FAM78B: variants seen among roughly 807,000 people sequenced by gnomAD.
FAM78B encodes protein FAM78B.
Under a neutral mutation model 20.0 loss-of-function variants are expected in FAM78B, and 10 were observed. The observed-to-expected ratio is 0.50, with a 90% CI of 0.31 to 0.85. The LOEUF is 0.85. Among genes scored for constraint, FAM78B ranks in the 40% least tolerant of loss-of-function variants. FAM78B has a pLI of 0.05. For missense variants in FAM78B, 283 were observed against 345.0 expected, an observed-to-expected ratio of 0.82 and a Z score of 1.42; for synonymous variants, 135 against 132.8, an observed-to-expected ratio of 1.02 and a Z score of -0.12.
intron 1 of FAM78B, among the ~76,000 whole-genome samples, chr1:166,141,693 C>G (rs1054973742): frequency 1.3e-5 from 2 of 152,210 alleles, no homozygotes; most frequent in Non-Finnish European, 2.9e-5. Flanking sequence ...TATGTGAGGC[C>G]TGTCAAAGGC....
intron 1 of FAM78B, among the ~76,000 whole-genome samples, chr1:166,077,116 A>T (rs1284281572): frequency 6.6e-6 from 1 of 152,208 alleles, no homozygotes; most frequent in African/African-American, 2.4e-5. Flanking sequence ...TCAAGACAGC[A>T]GTAAAGATAT....
chr1:166,139,756 G>A (rs754851023), intron 1 of FAM78B, among the ~76,000 whole-genome samples: 52 of 152,178 alleles, frequency 3.4e-4, no homozygotes, highest in Non-Finnish European at 5.6e-4. Context: ...TTCTTCCTGT[G>A]GACACGATCA....
Position 166,077,695 on chromosome 1 carries a change from T to TAATAAATAC in FAM78B, c.264-6933_264-6932insGTATTTATT, listed in dbSNP as rs1652337413. On this transcript the variant is annotated intron_variant, in intron 1 of 1. Coordinates refer to ENST00000354422, the MANE Select transcript of FAM78B (RefSeq NM_001017961.5). ...TAATTATATATTTATATATAAATTATATATAATAAATACATATAATTACAT... is the reference window on the plus strand; with the variant it reads ...TAATTATATATTTATATATAAATTATAATAAATACATATAATAAATACATATAATTACAT... Among the ~76,000 whole-genome samples the TAATAAATAC allele has an allele frequency of 1.8e-4, 23 of 126,550 alleles. No individual in the cohort carries two copies. The East Asian group carries it at 4.6e-3, about 25-fold the overall frequency. 83.0% of individuals were successfully genotyped at this position (126,550 alleles called of 152,430 possible). A position where few individuals can be genotyped will look rare whatever the true frequency, so the allele number is the denominator to read the frequency against.
intron 1 of FAM78B, among the ~76,000 whole-genome samples, chr1:166,141,097 C>A (rs1655259387): frequency 6.6e-6 from 1 of 152,214 alleles, no homozygotes; most frequent in South Asian, 2.1e-4. Context: ...AAAGGCCAGG[C>A]CAGTGGGCAG....
intron 1 of FAM78B, among the ~76,000 whole-genome samples, chr1:166,127,418 T>C (rs377625938): frequency 2.6e-3 from 396 of 152,290 alleles, no homozygotes; most frequent in Non-Finnish European, 4.5e-3. Flanking sequence ...GAAGACCACC[T>C]CCCTTTTTGT....
intron 1 of FAM78B, among the ~76,000 whole-genome samples, chr1:166,139,701 G>A (rs1216784745): frequency 6.6e-6 from 1 of 152,194 alleles, no homozygotes; most frequent in Admixed American, 6.5e-5. Context: ...TGGCAGAGGA[G>A]GCTGCAGGGC....
Position 166,138,397 on chromosome 1 carries a change from C to T in FAM78B, c.263+27589G>A, listed in dbSNP as rs375211789. Among the ~76,000 whole-genome samples the T allele has an allele frequency of 1.7e-4, 26 of 152,208 alleles. No homozygotes were observed. In the East Asian group the frequency reaches 2.3e-3, roughly 14 times the overall value. On this transcript the variant is annotated intron_variant, in intron 1 of 1. Coordinates refer to ENST00000354422, the MANE Select transcript of FAM78B (RefSeq NM_001017961.5). Reference sequence around the variant, plus strand: ...CTCAAGAAAAAGCAACCCCTCCACCCAGACCCCCACCACAATGCATGTTTC... The same window carrying T: ...CTCAAGAAAAAGCAACCCCTCCACCTAGACCCCCACCACAATGCATGTTTC...
chr1:166,157,020 G>A (rs1212681650), intron 1 of FAM78B, among the ~76,000 whole-genome samples: 6 of 85,516 alleles, frequency 7.0e-5, no homozygotes, highest in Admixed American at 2.6e-4. Context: ...GTGACATGAC[G>A]TCAAGGGGGC....
At chr1:166,125,511 A>T (rs1193237141) in intron 1 of FAM78B, among the ~76,000 whole-genome samples, 1 of 152,228 alleles carries the variant, frequency 6.6e-6, no homozygotes, top group Non-Finnish European at 1.5e-5. Flanking sequence ...TCAAAGTCAG[A>T]TATGATGAGA....
intron 1 of FAM78B, among the ~76,000 whole-genome samples, chr1:166,087,971 G>A (rs1652900742): frequency 1.3e-5 from 2 of 152,248 alleles, no homozygotes; most frequent in South Asian, 4.2e-4. Context: ...GGATGGCAGA[G>A]GGTACTTGTG....
chr1:166,159,976 ATCTGATGC>A (rs2101805764), intron 1 of FAM78B, among the ~76,000 whole-genome samples: 1 of 152,312 alleles, frequency 6.6e-6, no homozygotes, highest in African/African-American at 2.4e-5. Context: ...CTGCTTTCCC[ATCTGATGC>A]TCTAGATTGG....
At chr1:166,137,128 T>C (rs558871558) in intron 1 of FAM78B, among the ~76,000 whole-genome samples, 2 of 152,332 alleles carry the variant, frequency 1.3e-5, no homozygotes, top group Non-Finnish European at 2.9e-5. Context: ...AGACCAGTTT[T>C]CTATGCCCAG....
At chr1:166,078,061 C>T (rs1003576862) in intron 1 of FAM78B, among the ~76,000 whole-genome samples, 3 of 147,358 alleles carry the variant, frequency 2.0e-5, no homozygotes, top group African/African-American at 7.5e-5. Context: ...GAGATGGAGT[C>T]TCGCTCCGTT....
rs77745567 is a variant in FAM78B at position 166,083,096 on chromosome 1, G to T, written c.264-12333C>A. 8.4e-3 allele frequency among the ~76,000 whole-genome samples: 1,275 copies of T among 152,166 alleles called. 15 individuals carry two copies. The highest frequency in any genetic ancestry group is 0.03 in the African/African-American group (1,232 of 41,480). On this transcript the variant is annotated intron_variant, in intron 1 of 1. Transcript: ENST00000354422. ...TAGAGGAGATGGGGAGTGGATGTGT[G>T]TTTTTTTCCTTCTTATTTTGGAATT...
At chr1:166,115,686 G>C (rs571007769) in intron 1 of FAM78B, among the ~76,000 whole-genome samples, 1 of 152,218 alleles carries the variant, frequency 6.6e-6, no homozygotes, top group African/African-American at 2.4e-5. Flanking sequence ...GGACACCGTT[G>C]TAAGTGCTGA....
intron 1 of FAM78B, among the ~76,000 whole-genome samples, chr1:166,126,791 G>A (rs990053917): frequency 1.3e-5 from 2 of 152,206 alleles, no homozygotes; most frequent in African/African-American, 4.8e-5. Flanking sequence ...AGGAAACTGA[G>A]GCAAAGGAAT....
chr1:166,110,709 T>C (rs1022315864), intron 1 of FAM78B, among the ~76,000 whole-genome samples: 14 of 152,024 alleles, frequency 9.2e-5, no homozygotes, highest in African/African-American at 7.2e-5. Flanking sequence ...TTTTAGAGAG[T>C]AGAGCCTATG....
chr1:166,114,522 C>G (rs1401984694), intron 1 of FAM78B, among the ~76,000 whole-genome samples: 1 of 152,152 alleles, frequency 6.6e-6, no homozygotes, highest in Non-Finnish European at 1.5e-5. Context: ...TTCTCCAGAA[C>G]CAATTTTCAA....
At chr1:166,070,785 A>T in intron 1 of FAM78B, 22 bp from the exon 2 acceptor site, 1 of 1,520,208 alleles carries the variant, frequency 6.6e-7, no homozygotes, top group South Asian at 1.3e-5. Context: ...GAAGACATGC[A>T]CAAGAAAAGA....
Sources: allele counts gnomAD v4.1 joint callset (sites outside exome capture counted in the v4.1 genomes callset), GRCh38; gene constraint gnomAD v4.1.1; transcripts MANE v1.5; gene names NCBI Gene and HGNC (gene_info 2026-07-23, HGNC 2026-07-21).